Variants in MGAT4C observed in about 807,000 individuals in gnomAD.
MGAT4C encodes alpha-1,3-mannosyl-glycoprotein 4-beta-N-acetylglucosaminyltransferase C.
In MGAT4C, 19 loss-of-function variants were observed where a neutral mutation model predicts 40.1. The ratio of observed to expected loss-of-function variants is 0.47; its 90% CI spans 0.33 to 0.70. The LOEUF (loss-of-function observed/expected upper bound fraction) is 0.70. MGAT4C is among the 30% of genes least tolerant of loss of function. MGAT4C has a pLI of 0.02. For synonymous variants in MGAT4C, 181 were observed against 187.1 expected (o/e 0.97, Z 0.27); for missense variants, 491 against 563.2 (o/e 0.87, Z 1.30).
At chr12:86,269,020 ATATATAT>A (rs1566246025) in intron 4 of MGAT4C, among the ~76,000 whole-genome samples, 209 of 11,766 alleles carry the variant, frequency 0.018, 5 homozygotes, top group African/African-American at 0.054. Context: ...TTACATATAT[ATATATAT>A]ATATATATAT....
chr12:86,362,527 A>T (rs1955499628), intron 3 of MGAT4C, among the ~76,000 whole-genome samples: 1 of 152,172 alleles, frequency 6.6e-6, no homozygotes, highest in African/African-American at 2.4e-5. Flanking sequence ...GGATATTGTC[A>T]GACTGGATTA....
At chr12:86,066,670 A>G (rs1894574017) in intron 1 of MGAT4C, among the ~76,000 whole-genome samples, 1 of 152,206 alleles carries the variant, frequency 6.6e-6, no homozygotes, top group African/African-American at 2.4e-5. Context: ...CATGACTAAA[A>G]CACCAAAAGA....
intron 1 of MGAT4C, among the ~76,000 whole-genome samples, chr12:86,231,187 A>C (rs886163805): frequency 6.6e-6 from 1 of 152,346 alleles, no homozygotes; most frequent in South Asian, 2.1e-4. Context: ...TCCCTTTAGC[A>C]AATTATTTTC....
intron 1 of MGAT4C, among the ~76,000 whole-genome samples, chr12:86,139,263 C>T (rs767631018): frequency 6.8e-4 from 104 of 152,096 alleles, no homozygotes; most frequent in Admixed American, 9.2e-4. Context: ...TTAAGAAACC[C>T]CCTGGGTGCT....
chr12:86,758,256 G>A (rs1422019354), intron 1 of MGAT4C, among the ~76,000 whole-genome samples: 1 of 151,818 alleles, frequency 6.6e-6, no homozygotes, highest in Non-Finnish European at 1.5e-5. Flanking sequence ...GGTTTTACTA[G>A]ACCAAGTTGG....
intron 2 of MGAT4C, among the ~76,000 whole-genome samples, chr12:86,447,624 T>A (rs1957362414): frequency 6.6e-6 from 1 of 152,162 alleles, no homozygotes. Context: ...AAGAATTTAT[T>A]TAGCTTCTCC....
chr12:86,474,169 C>T (rs990935487), intron 2 of MGAT4C, among the ~76,000 whole-genome samples: 1 of 151,834 alleles, frequency 6.6e-6, no homozygotes, highest in Admixed American at 6.6e-5. Flanking sequence ...GGCACATATA[C>T]ACCATGGAAT....
At chr12:86,706,573 TAATAA>T (rs1339311781) in intron 2 of MGAT4C, among the ~76,000 whole-genome samples, 5 of 152,086 alleles carry the variant, frequency 3.3e-5, no homozygotes, top group African/African-American at 1.2e-4. Flanking sequence ...CTAGTTTTTA[TAATAA>T]AATATTAATT....
At chr12:86,430,138 T>G (rs1211903212) in intron 3 of MGAT4C, among the ~76,000 whole-genome samples, 1 of 152,176 alleles carries the variant, frequency 6.6e-6, no homozygotes, top group Non-Finnish European at 1.5e-5. Flanking sequence ...TTGTCTAACT[T>G]CTTGCAATTT....
intron 3 of MGAT4C, among the ~76,000 whole-genome samples, chr12:86,407,259 G>A (rs1956493570): frequency 6.6e-6 from 1 of 151,986 alleles, no homozygotes; most frequent in Non-Finnish European, 1.5e-5. Flanking sequence ...AAAATATGTA[G>A]TAGAATTGAG....
At chr12:86,322,107 G>A (rs187667570) in intron 4 of MGAT4C, among the ~76,000 whole-genome samples, 1 of 151,654 alleles carries the variant, frequency 6.6e-6, no homozygotes, top group East Asian at 2.0e-4. Flanking sequence ...ATCATTCTGA[G>A]CAAACTATCA....
intron 2 of MGAT4C, among the ~76,000 whole-genome samples, chr12:86,620,361 A>G (rs761509765): frequency 3.3e-5 from 5 of 152,082 alleles, no homozygotes; most frequent in African/African-American, 9.7e-5. Flanking sequence ...ACACACACAC[A>G]TATCCTGGAA....
chr12:86,253,378 T>G lies in MGAT4C; in HGVS notation c.-57+2861A>C, dbSNP rs377277846. On this transcript the variant is annotated intron_variant, in intron 1 of 4. Transcript: ENST00000611864. ...AAAGAAAGAAAGAAAGAGAAATTGA[T>G]TGATTTGGGGCACTGAAATTTGTAA... is the stretch of plus-strand genomic sequence containing the variant. 1.2e-4 allele frequency among the ~76,000 whole-genome samples: 18 copies of G among 151,804 alleles called. No homozygotes were observed. In the East Asian group the frequency reaches 3.5e-3, roughly 29 times the overall value.
intron 1 of MGAT4C, among the ~76,000 whole-genome samples, chr12:86,060,272 G>A (rs1893813006): frequency 6.6e-6 from 1 of 152,026 alleles, no homozygotes; most frequent in African/African-American, 2.4e-5. Context: ...ATTTTCTGAG[G>A]CCTCCAAGTA....
chr12:86,496,160 G>T (rs1217907109), intron 2 of MGAT4C, among the ~76,000 whole-genome samples: 1 of 151,938 alleles, frequency 6.6e-6, no homozygotes, highest in Non-Finnish European at 1.5e-5. Flanking sequence ...TCTAGTGGAT[G>T]CATTTGATGA....
intron 2 of MGAT4C, among the ~76,000 whole-genome samples, chr12:86,588,129 A>T (rs1593016778): frequency 1.3e-5 from 2 of 151,674 alleles, no homozygotes; most frequent in African/African-American, 4.8e-5. Flanking sequence ...TCCCATCAAT[A>T]CCTAATTTAT....
intron 1 of MGAT4C, among the ~76,000 whole-genome samples, chr12:86,815,976 T>G (rs1335529112): frequency 6.6e-6 from 1 of 151,888 alleles, no homozygotes; most frequent in Non-Finnish European, 1.5e-5. Flanking sequence ...AAATACCACC[T>G]GTATGCCAAT....
At chr12:86,782,371 C>T (rs369212980) in intron 1 of MGAT4C, among the ~76,000 whole-genome samples, 2 of 151,670 alleles carry the variant, frequency 1.3e-5, no homozygotes, top group Non-Finnish European at 2.9e-5. Flanking sequence ...TTAATAGAGA[C>T]AGGGTTTCAC....
intron 1 of MGAT4C, among the ~76,000 whole-genome samples, chr12:86,082,851 T>G (rs1703330985): frequency 6.6e-6 from 1 of 152,126 alleles, no homozygotes; most frequent in African/African-American, 2.4e-5. Context: ...TTTTATTTTT[T>G]TTTGCATTTT....
Sources: gnomAD v4.1 joint callset for allele counts (sites outside exome capture counted in the v4.1 genomes callset) on GRCh38, gnomAD v4.1.1 for gene constraint, MANE v1.5 for transcripts, NCBI Gene and HGNC (gene_info 2026-07-23, HGNC 2026-07-21) for gene names.